Variants in ST6GALNAC3 observed in about 807,000 individuals in gnomAD.
ST6GALNAC3 encodes the protein alpha-N-acetylgalactosaminide alpha-2,6-sialyltransferase 3.
ST6GALNAC3 carries 25 observed loss-of-function variants against 32.7 expected under a neutral mutation model. The observed-to-expected ratio is 0.76, with a 90% confidence interval of 0.56 to 1.07. The LOEUF is 1.07. ST6GALNAC3 is among the 50% of genes least tolerant of loss of function. The probability of loss-of-function intolerance (pLI) is 0.00; values close to 1 mark genes in which losing one functional copy is unlikely to be tolerated. For synonymous variants in ST6GALNAC3, 129 were observed against 133.1 expected, an observed-to-expected ratio of 0.97 and a Z score of 0.21; for missense variants, 355 against 382.4, an observed-to-expected ratio of 0.93 and a Z score of 0.60.
chr1:76,484,959 T>C (rs985465732), intron 3 of ST6GALNAC3, among the ~76,000 whole-genome samples: 1 of 152,202 alleles, frequency 6.6e-6, no homozygotes, highest in African/African-American at 2.4e-5. Context: ...CAAAGGCCTT[T>C]TCTGCATCTA....
intron 3 of ST6GALNAC3, among the ~76,000 whole-genome samples, chr1:76,488,860 C>T (rs1034465200): frequency 2.6e-5 from 4 of 152,314 alleles, no homozygotes; most frequent in African/African-American, 7.2e-5. Context: ...TTCACGCTGG[C>T]CATTGACTGT....
intron 1 of ST6GALNAC3, among the ~76,000 whole-genome samples, chr1:76,144,795 A>G (rs1404126621): frequency 6.6e-6 from 1 of 152,176 alleles, no homozygotes; most frequent in Non-Finnish European, 1.5e-5. Context: ...GCTTCTATGA[A>G]TTTCTCAAAC....
At chr1:76,598,171 T>A (rs996984505) in intron 3 of ST6GALNAC3, among the ~76,000 whole-genome samples, 18 of 152,092 alleles carry the variant, frequency 1.2e-4, no homozygotes, top group African/African-American at 3.9e-4. Flanking sequence ...AGGGCACTAA[T>A]CCTATTCATG....
chr1:76,141,046 G>A (rs1650289509), intron 1 of ST6GALNAC3, among the ~76,000 whole-genome samples: 1 of 152,020 alleles, frequency 6.6e-6, no homozygotes, highest in African/African-American at 2.4e-5. Flanking sequence ...AATGGACGGA[G>A]GGCATTTTTT....
chr1:76,141,163 A>G (rs796595476), intron 1 of ST6GALNAC3, among the ~76,000 whole-genome samples: 7 of 152,230 alleles, frequency 4.6e-5, no homozygotes, highest in Non-Finnish European at 7.4e-5. Context: ...GACAGTCCCA[A>G]TGGATATTTT....
chr1:76,176,709 T>C (rs1004160894), intron 1 of ST6GALNAC3, among the ~76,000 whole-genome samples: 1 of 152,200 alleles, frequency 6.6e-6, no homozygotes, highest in Admixed American at 6.5e-5. Flanking sequence ...TTTTGCCCTA[T>C]ATAAGAATAA....
chr1:76,233,678 A>G (rs1386151224), intron 1 of ST6GALNAC3, among the ~76,000 whole-genome samples: 1 of 152,056 alleles, frequency 6.6e-6, no homozygotes, highest in Non-Finnish European at 1.5e-5. Context: ...ACAGTATATC[A>G]TTTACTCTTT....
chr1:76,439,436 A>C (rs1357403339), intron 3 of ST6GALNAC3, among the ~76,000 whole-genome samples: 1 of 152,200 alleles, frequency 6.6e-6, no homozygotes, highest in Non-Finnish European at 1.5e-5. Context: ...TTGAAAAGCT[A>C]TGCTTTATGT....
chr1:76,573,866 TG>T (rs34866377), intron 3 of ST6GALNAC3, among the ~76,000 whole-genome samples: 39,690 of 151,864 alleles, frequency 0.26, 5,333 homozygotes, highest in Non-Finnish European at 0.29. Flanking sequence ...GGAGCCAGTG[TG>T]GGTAGGAGTG....
chr1:76,473,383 G>A (rs1659157762), intron 3 of ST6GALNAC3, among the ~76,000 whole-genome samples: 1 of 152,176 alleles, frequency 6.6e-6, no homozygotes, highest in Non-Finnish European at 1.5e-5. Context: ...ACATTTCTAG[G>A]TGGTGACAAA....
chr1:76,077,167 T>C (rs768516556), intron 1 of ST6GALNAC3, among the ~76,000 whole-genome samples: 2 of 152,186 alleles, frequency 1.3e-5, no homozygotes, highest in Admixed American at 6.5e-5. Flanking sequence ...AGACAGCTGC[T>C]GCAACCTGGA....
At chr1:76,198,500 C>A (rs1026480794) in intron 1 of ST6GALNAC3, among the ~76,000 whole-genome samples, 1 of 152,150 alleles carries the variant, frequency 6.6e-6, no homozygotes, top group Non-Finnish European at 1.5e-5. Context: ...ACTGTTGCAG[C>A]TTGGATGTAT....
intron 3 of ST6GALNAC3, among the ~76,000 whole-genome samples, chr1:76,415,603 C>A (rs990242516): frequency 6.6e-6 from 1 of 152,044 alleles, no homozygotes; most frequent in African/African-American, 2.4e-5. Flanking sequence ...TTCAAATTGG[C>A]TTTGAGTCCT....
chr1:76,266,542 A>G (rs1317238047), intron 1 of ST6GALNAC3, among the ~76,000 whole-genome samples: 4 of 152,172 alleles, frequency 2.6e-5, no homozygotes, highest in African/African-American at 9.6e-5. Context: ...GTGGTTTTCT[A>G]CCTATGAAAG....
intron 3 of ST6GALNAC3, among the ~76,000 whole-genome samples, chr1:76,568,274 C>A (rs315014): frequency 0.12 from 18,486 of 152,116 alleles, 2,018 homozygotes; most frequent in African/African-American, 0.29. Flanking sequence ...TGATTAGAAC[C>A]CTGCCCTTCT....
chr1:76,097,697 C>T (rs1647158817), intron 1 of ST6GALNAC3, among the ~76,000 whole-genome samples: 1 of 152,084 alleles, frequency 6.6e-6, no homozygotes, highest in Admixed American at 6.5e-5. Flanking sequence ...ATCTTACTTG[C>T]TATATTTCAT....
At chr1:76,473,757 T>G (rs1160753609) in intron 3 of ST6GALNAC3, among the ~76,000 whole-genome samples, 1 of 152,192 alleles carries the variant, frequency 6.6e-6, no homozygotes, top group African/African-American at 2.4e-5. Flanking sequence ...CATACTCTTT[T>G]GCAATGTTAT....
chr1:76,329,823 T>TA, intron 2 of ST6GALNAC3, among the ~76,000 whole-genome samples: 1 of 151,734 alleles, frequency 6.6e-6, no homozygotes, highest in Non-Finnish European at 1.5e-5. Context: ...TTTATTTATT[T>TA]TTTGAGATGG....
chr1:76,570,402 C>G (rs768421265), intron 3 of ST6GALNAC3, among the ~76,000 whole-genome samples: 2 of 151,884 alleles, frequency 1.3e-5, no homozygotes, highest in Non-Finnish European at 2.9e-5. Context: ...TCAGTAATTT[C>G]TCTGTACTCC....
Sources: gnomAD v4.1 joint callset for allele counts (sites outside exome capture counted in the v4.1 genomes callset) on GRCh38, gnomAD v4.1.1 for gene constraint, MANE v1.5 for transcripts, NCBI Gene and HGNC (gene_info 2026-07-23, HGNC 2026-07-21) for gene names.